Variants in PARD3 observed in about 807,000 individuals in gnomAD.
PARD3 encodes par-3 family cell polarity regulator.
PARD3 carries 75 observed loss-of-function variants against 155.4 expected under a neutral mutation model. The ratio of observed to expected loss-of-function variants is 0.48; its 90% CI spans 0.40 to 0.58. The LOEUF is 0.58. Among genes scored for constraint, PARD3 ranks in the 20% least tolerant of loss-of-function variants. The pLI is 0.00. For synonymous variants in PARD3, 576 were observed against 610.5 expected (o/e 0.94, Z 0.83); for missense variants, 1,642 against 1,721.7 (o/e 0.95, Z 0.82).
At chr10:34,542,201 G>T (rs2083660159) in intron 2 of PARD3, among the ~76,000 whole-genome samples, 1 of 71,138 alleles carries the variant, frequency 1.4e-5, no homozygotes, top group African/African-American at 5.7e-5. Flanking sequence ...AGGTTGTTTG[G>T]GGTGTGTGTG....
intron 2 of PARD3, among the ~76,000 whole-genome samples, chr10:34,633,497 T>A (rs1228015495): frequency 6.6e-6 from 1 of 152,244 alleles, no homozygotes. Context: ...TCTAGTTCCA[T>A]ACACGTTGTC....
At position 34,111,321 on chromosome 10, in the gene PARD3, G is replaced by T. The variant is rs1946370528; in HGVS notation, c.3910C>A (p.Pro1304Thr). The T allele has an allele frequency of 3.1e-6, 5 of 1,613,966 alleles. No homozygotes were observed. The highest frequency in any genetic ancestry group is 1.1e-5 in the South Asian group (1 of 91,078). Residue 1304 changes from proline (P) to threonine (T), a missense_variant, in exon 25 of 25, where the codon CCC becomes ACC. By Grantham distance (38) the Pro-to-Thr change is conservative. Coordinates refer to ENST00000374788, the MANE Select transcript of PARD3 (RefSeq NM_001184785.2). Reference sequence around the variant, plus strand: ...TTCTTATACGAGTCATAGTTGCTGGGCCCCTCGGAAGGAGGCTGCTTCTTC... The same window carrying T: ...TTCTTATACGAGTCATAGTTGCTGGTCCCCTCGGAAGGAGGCTGCTTCTTC... ...QMKKQPPSEGPSNYDSYKKVQ... is the reference protein window; with the variant it reads ...QMKKQPPSEGTSNYDSYKKVQ...
rs539053483 is a variant in PARD3, at chr10:34,128,140, T to A, written c.3540+3323A>T. On this transcript the variant is annotated intron_variant, in intron 23 of 24. Transcript: ENST00000374788. The stretch of plus-strand genomic sequence containing the variant: ...TTTACACCTGGATGCTGATCCCACA[T>A]TGCCAGTTGCCCCATCTTCCTCACC... 2.6e-5 allele frequency among the ~76,000 whole-genome samples: 4 copies of A among 152,286 alleles called. No homozygotes were observed. The East Asian group carries it at 7.7e-4, about 30-fold the overall frequency.
intron 22 of PARD3, among the ~76,000 whole-genome samples, chr10:34,145,293 G>GAA (rs1168008946): frequency 2.5e-4 from 31 of 125,910 alleles, no homozygotes; most frequent in Non-Finnish European, 4.4e-4. Context: ...TGTCCTTTTT[G>GAA]AAAAATTGAT....
At position 34,624,378 on chromosome 10, in the gene PARD3, C is replaced by T. The variant is rs1032760168; in HGVS notation, c.222+71940G>A. Among the ~76,000 whole-genome samples the T allele has an allele frequency of 7.9e-5, 12 of 152,300 alleles. No homozygotes were observed. The East Asian group carries it at 1.7e-3, about 22-fold the overall frequency. On this transcript the variant is annotated intron_variant, in intron 2 of 24. Transcript: ENST00000374788. ...GAAAACTAGGTAAAAAAAACCACAACGAAAAGGATCTGTTGTGACTAAGGG... is the reference window on the plus strand; with the variant it reads ...GAAAACTAGGTAAAAAAAACCACAATGAAAAGGATCTGTTGTGACTAAGGG...
At chr10:34,313,362 G>T (rs983798410) in intron 20 of PARD3, among the ~76,000 whole-genome samples, 6 of 152,198 alleles carry the variant, frequency 3.9e-5, no homozygotes, top group Non-Finnish European at 4.4e-5. Context: ...AAAAGATGTA[G>T]TATGTATGAG....
At chr10:34,451,923 C>T (rs542675960) in intron 4 of PARD3, among the ~76,000 whole-genome samples, 2 of 151,980 alleles carry the variant, frequency 1.3e-5, no homozygotes, top group African/African-American at 4.8e-5. Context: ...AAAGGAAATA[C>T]CGTTTCATAT....
At chr10:34,272,815 G>T (rs1250935151) in intron 21 of PARD3, among the ~76,000 whole-genome samples, 1 of 152,058 alleles carries the variant, frequency 6.6e-6, no homozygotes, top group Non-Finnish European at 1.5e-5. Context: ...AATGGCAAAA[G>T]ACATGAAAAG....
rs150915954 is a variant in PARD3 at position 34,170,520 on chromosome 10, T to C, written c.3420-38937A>G. Among the ~76,000 whole-genome samples the C allele has an allele frequency of 3.3e-3, 508 of 152,210 alleles. 2 individuals carry two copies. Among genetic ancestry groups the C allele is most frequent in the African/African-American group, 0.012 (488 of 41,524 alleles). On this transcript the variant is annotated intron_variant, in intron 22 of 24. Transcript: ENST00000374788. Reference sequence around the variant, plus strand: ...GAAGACTGGCATGTAAACAGTTAATTATATACCACTGTGACAAACATCAGG... The same window carrying C: ...GAAGACTGGCATGTAAACAGTTAATCATATACCACTGTGACAAACATCAGG...
intron 4 of PARD3, among the ~76,000 whole-genome samples, chr10:34,468,685 C>A (rs1300958842): frequency 6.7e-5 from 10 of 150,294 alleles, no homozygotes; most frequent in Non-Finnish European, 1.2e-4. Flanking sequence ...GTTCATAATT[C>A]AAAAAAAAAC....
chr10:34,665,480 G>A (rs11009850), intron 2 of PARD3, among the ~76,000 whole-genome samples: 3,243 of 151,892 alleles, frequency 0.021, 116 homozygotes, highest in African/African-American at 0.074. Flanking sequence ...AGATTGTGCC[G>A]TTGCACTCCA....
intron 1 of PARD3, among the ~76,000 whole-genome samples, chr10:34,796,875 C>T (rs1010139002): frequency 6.6e-6 from 1 of 152,190 alleles, no homozygotes; most frequent in Non-Finnish European, 1.5e-5. Flanking sequence ...ATCCCAGCTA[C>T]TCGGGAGGCT....
chr10:34,355,944 AAACAAAACAAAACCAAAC>A (rs1564622614), intron 14 of PARD3, among the ~76,000 whole-genome samples: 62 of 129,984 alleles, frequency 4.8e-4, no homozygotes, highest in African/African-American at 1.2e-3. Flanking sequence ...AAAAAAAAAA[AAACAAAACAAAACCAAAC>A]AAAAAAACAG....
At chr10:34,505,964 A>T (rs2081035648) in intron 3 of PARD3, among the ~76,000 whole-genome samples, 1 of 152,058 alleles carries the variant, frequency 6.6e-6, no homozygotes, top group Non-Finnish European at 1.5e-5. Context: ...CATTGCTACT[A>T]AAAATACAAA....
At chr10:34,231,677 A>G (rs1162620414) in intron 22 of PARD3, among the ~76,000 whole-genome samples, 1 of 151,884 alleles carries the variant, frequency 6.6e-6, no homozygotes, top group Non-Finnish European at 1.5e-5. Context: ...TTGCTTGTTA[A>G]CGCCCTGACC....
At chr10:34,296,181 A>G (rs79340493) in intron 20 of PARD3, among the ~76,000 whole-genome samples, 3,855 of 152,314 alleles carry the variant, frequency 0.025, 149 homozygotes, top group African/African-American at 0.088. Context: ...GAAGTAAACT[A>G]TATTATATTT....
intron 4 of PARD3, among the ~76,000 whole-genome samples, chr10:34,456,239 C>T (rs1004108721): frequency 2.6e-5 from 4 of 152,132 alleles, no homozygotes; most frequent in Admixed American, 6.5e-5. Context: ...TGCCAAAAGA[C>T]GTATTGCAGC....
chr10:34,717,892 G>A (rs966195519), intron 1 of PARD3, among the ~76,000 whole-genome samples: 6 of 152,182 alleles, frequency 3.9e-5, no homozygotes, highest in East Asian at 3.9e-4. Context: ...GGTGGCTCAC[G>A]CCTGTAATCC....
At chr10:34,214,735 T>C (rs1346370590) in intron 22 of PARD3, among the ~76,000 whole-genome samples, 1 of 152,210 alleles carries the variant, frequency 6.6e-6, no homozygotes, top group Non-Finnish European at 1.5e-5. Flanking sequence ...TCTGAAAGCA[T>C]CATACAGAGA....
Sources: allele counts gnomAD v4.1 joint callset (sites outside exome capture counted in the v4.1 genomes callset), GRCh38; gene constraint gnomAD v4.1.1; transcripts MANE v1.5; gene names NCBI Gene and HGNC (gene_info 2026-07-23, HGNC 2026-07-21).